Variants in RGS6 observed in about 807,000 individuals in gnomAD.
RGS6 encodes regulator of G-protein signaling 6.
In RGS6, 30 loss-of-function variants were observed where a neutral mutation model predicts 78.5. That is an observed-to-expected ratio of 0.38 (90% CI 0.29 to 0.52). The LOEUF (loss-of-function observed/expected upper bound fraction) is 0.52. RGS6 is among the 20% of genes least tolerant of loss of function. The probability of loss-of-function intolerance (pLI) is 0.85; values close to 1 mark genes in which losing one functional copy is unlikely to be tolerated. For synonymous variants in RGS6, 206 were observed against 206.0 expected (o/e 1.00, Z 0.00); for missense variants, 495 against 609.7 (o/e 0.81, Z 1.98).
intron 2 of RGS6, among the ~76,000 whole-genome samples, chr14:72,075,126 A>G (rs554142727): frequency 2.0e-5 from 3 of 152,204 alleles, no homozygotes; most frequent in African/African-American, 7.2e-5. Flanking sequence ...GTTGAAGGGC[A>G]TGCACAGATA....
At chr14:72,618,319 G>T in the RGS6 span, among the ~76,000 whole-genome samples, 5 of 152,200 alleles carry the variant, frequency 3.3e-5, no homozygotes, top group Admixed American at 1.3e-4. Context: ...AATACTGAAG[G>T]TTTCTCAAAG....
At chr14:71,948,415 C>A (rs2091850227) in intron 1 of RGS6, among the ~76,000 whole-genome samples, 1 of 152,178 alleles carries the variant, frequency 6.6e-6, no homozygotes. Context: ...GCCATGATGT[C>A]ATTTTTTGCA....
intron 2 of RGS6, among the ~76,000 whole-genome samples, chr14:72,349,002 T>G (rs1394380074): frequency 6.6e-6 from 1 of 151,964 alleles, no homozygotes; most frequent in East Asian, 1.9e-4. Flanking sequence ...CTGTCTCTAC[T>G]AAAAATACAA....
intron 2 of RGS6, among the ~76,000 whole-genome samples, chr14:72,350,374 C>T (rs2078885580): frequency 6.6e-6 from 1 of 152,030 alleles, no homozygotes; most frequent in Non-Finnish European, 1.5e-5. Flanking sequence ...TGTGACCCTG[C>T]GAAAGTTGCA....
intron 2 of RGS6, among the ~76,000 whole-genome samples, chr14:72,241,065 G>A (rs2052662422): frequency 6.6e-6 from 1 of 150,576 alleles, no homozygotes; most frequent in Non-Finnish European, 1.5e-5. Context: ...ACTGAGGCAG[G>A]AGAATTGCTT....
At chr14:72,101,709 G>A (rs2153526438) in intron 2 of RGS6, among the ~76,000 whole-genome samples, 1 of 152,290 alleles carries the variant, frequency 6.6e-6, no homozygotes, top group East Asian at 1.9e-4. Context: ...TACCTTCTCT[G>A]CTATGGACTG....
At chr14:72,398,805 A>G (rs1164699102) in intron 3 of RGS6, among the ~76,000 whole-genome samples, 1 of 152,052 alleles carries the variant, frequency 6.6e-6, no homozygotes, top group East Asian at 1.9e-4. Context: ...TCATTTCGTT[A>G]TGTACCCAGT....
chr14:72,083,245 T>C (rs1022915132), intron 2 of RGS6, among the ~76,000 whole-genome samples: 9 of 152,124 alleles, frequency 5.9e-5, no homozygotes, highest in Non-Finnish European at 1.2e-4. Flanking sequence ...TGATCTGACA[T>C]AGATCAACGG....
the RGS6 span, among the ~76,000 whole-genome samples, chr14:71,921,204 G>C: frequency 2.0e-5 from 3 of 152,114 alleles, no homozygotes; most frequent in Admixed American, 6.6e-5. Context: ...CAAAAAATAA[G>C]TGTTAGCAAG....
At chr14:72,334,698 A>G (rs1434277572) in intron 2 of RGS6, among the ~76,000 whole-genome samples, 1 of 152,136 alleles carries the variant, frequency 6.6e-6, no homozygotes, top group Non-Finnish European at 1.5e-5. Context: ...TGAAACTAGC[A>G]AGGGTCAGAA....
chr14:72,043,833 T>A (rs1241776156), intron 2 of RGS6, among the ~76,000 whole-genome samples: 1 of 152,210 alleles, frequency 6.6e-6, no homozygotes, highest in African/African-American at 2.4e-5. Context: ...TCATTCTTTC[T>A]TCCCCTTCTG....
chr14:72,086,845 T>C (rs2095060335), intron 2 of RGS6, among the ~76,000 whole-genome samples: 1 of 152,200 alleles, frequency 6.6e-6, no homozygotes, highest in African/African-American at 2.4e-5. Flanking sequence ...AATGTAAGAT[T>C]TCAGACTGGA....
chr14:72,044,767 G>A (rs1380798296), intron 2 of RGS6, among the ~76,000 whole-genome samples: 2 of 152,162 alleles, frequency 1.3e-5, no homozygotes, highest in Non-Finnish European at 2.9e-5. Flanking sequence ...CAGCTACTTG[G>A]GAGGCTGAGG....
At chr14:72,414,579 G>A (rs557543667) in intron 3 of RGS6, among the ~76,000 whole-genome samples, 66 of 152,260 alleles carry the variant, frequency 4.3e-4, no homozygotes, top group Non-Finnish European at 6.5e-4. Flanking sequence ...GTCATTCTCC[G>A]TCCAGCTGTG....
chr14:71,976,814 C>G (rs943657557), intron 2 of RGS6, among the ~76,000 whole-genome samples: 1 of 149,988 alleles, frequency 6.7e-6, no homozygotes, highest in Non-Finnish European at 1.5e-5. Context: ...ATTTCTAGTT[C>G]TAGATCCCTG....
At chr14:71,918,129 C>A in the RGS6 span, among the ~76,000 whole-genome samples, 16 of 130,948 alleles carry the variant, frequency 1.2e-4, no homozygotes, top group Admixed American at 1.4e-3. Context: ...TGCAGTGAGC[C>A]GAGATCGTGC....
intron 2 of RGS6, among the ~76,000 whole-genome samples, chr14:72,062,858 G>C (rs2093959984): frequency 6.6e-6 from 1 of 152,154 alleles, no homozygotes; most frequent in African/African-American, 2.4e-5. Flanking sequence ...ACATAGTCTT[G>C]CTCTGTCATC....
intron 6 of RGS6, among the ~76,000 whole-genome samples, chr14:72,461,778 C>G (rs908447038): frequency 6.6e-6 from 1 of 152,184 alleles, no homozygotes; most frequent in Non-Finnish European, 1.5e-5. Context: ...GAGAATCCAG[C>G]ACAATGAGCC....
At chr14:72,498,885 A>C (rs1020130798) in intron 13 of RGS6, among the ~76,000 whole-genome samples, 7 of 152,134 alleles carry the variant, frequency 4.6e-5, no homozygotes, top group African/African-American at 1.7e-4. Flanking sequence ...CTGCACCTGA[A>C]TGTATGAATG....
Sources: allele counts gnomAD v4.1 joint callset (sites outside exome capture counted in the v4.1 genomes callset), GRCh38; gene constraint gnomAD v4.1.1; transcripts MANE v1.5; gene names NCBI Gene and HGNC (gene_info 2026-07-23, HGNC 2026-07-21).